Variants in SCN10A observed in about 807,000 individuals in gnomAD.
The protein encoded by SCN10A is sodium channel protein type 10 subunit alpha.
A neutral mutation model predicts 170.7 loss-of-function variants in SCN10A; 162 were observed. That is an observed-to-expected ratio of 0.95 (90% confidence interval 0.84 to 1.08). SCN10A has a LOEUF of 1.08. Ranked by LOEUF, SCN10A falls within the 50% of genes least tolerant of loss-of-function variation. SCN10A has a pLI of 0.00. For synonymous variants in SCN10A, 985 were observed against 904.6 expected (o/e 1.09, Z -1.59); for missense variants, 2,527 against 2,436.9 (o/e 1.04, Z -0.78).
intron 8 of SCN10A, among the ~76,000 whole-genome samples, chr3:38,758,300 A>G (rs1379427117): frequency 6.6e-6 from 1 of 152,172 alleles, no homozygotes; most frequent in Non-Finnish European, 1.5e-5. Flanking sequence ...GGGCTAGGCA[A>G]CCCATTTCCT....
rs753631651 is a variant in SCN10A, at chr3:38,750,129, G to C, written c.1811C>G (p.Pro604Arg). The C allele has an allele frequency of 1.2e-6, 2 of 1,613,270 alleles. No individual in the cohort carries two copies. Among genetic ancestry groups the C allele is most frequent in the Non-Finnish European group, 1.7e-6 (2 of 1,179,552 alleles). ...ACTCATTGCCCTTTGGGCCCGGAAA[G>C]GTTCATCTAAGTATTCTGCTGACAA... ...TFLSAEYLDEPFRAQRAMSVV... is the reference protein window; with the variant it reads ...TFLSAEYLDERFRAQRAMSVV... Residue 604 changes from proline to arginine, a missense_variant, in exon 13 of 28, where the codon CCT (proline) becomes CGT (arginine). By Grantham distance (103) the Pro-to-Arg change is moderately radical (BLOSUM62 -2). Transcript: ENST00000449082.
intron 4 of SCN10A, among the ~76,000 whole-genome samples, chr3:38,775,260 G>T (rs2064058841): frequency 1.3e-5 from 2 of 151,908 alleles, no homozygotes; most frequent in Non-Finnish European, 2.9e-5. Context: ...CCCCTCTCTG[G>T]CAACTTCCAT....
chr3:38,734,978 G>A (rs2063545220), intron 15 of SCN10A, among the ~76,000 whole-genome samples: 1 of 152,032 alleles, frequency 6.6e-6, no homozygotes, highest in Non-Finnish European at 1.5e-5. Context: ...AGACCATCCT[G>A]GCTAACACGG....
At position 38,755,937 on chromosome 3, in the gene SCN10A, C is replaced by G; in HGVS notation, c.1312G>C (p.Asp438His). Residue 438 changes from aspartate (D) to histidine (H), a missense_variant, in exon 11 of 28, where the codon GAC becomes CAC. Physicochemically the swap from Asp to His is moderately conservative, Grantham distance 81 (BLOSUM62 -1). Transcript: ENST00000449082. ...EQEVLAALGI[D>H]TTSLHSHNGS... ...TTGTGGGAGTGGAGAGAGGTTGTGT[C>G]AATCCCTAGTGCTGCTAGCACCTGC... is the stretch of plus-strand genomic sequence containing the variant. The G allele has an allele frequency of 3.1e-6, 5 of 1,614,182 alleles. No homozygotes were observed. The highest frequency in any genetic ancestry group is 4.2e-6 in the Non-Finnish European group (5 of 1,180,030).
chr3:38,756,058 C>T, intron 10 of SCN10A, 100 bp from the exon 11 acceptor site: 5 of 1,319,686 alleles, frequency 3.8e-6, no homozygotes, highest in Non-Finnish European at 5.4e-6. Context: ...AGATCTGAAA[C>T]AGAGAAGCTG....
chr3:38,794,218 G>A (rs1201443440), intron 1 of SCN10A, among the ~76,000 whole-genome samples, 176 bp from the exon 2 acceptor site: 2 of 151,994 alleles, frequency 1.3e-5, no homozygotes, highest in African/African-American at 4.8e-5. Context: ...GCATTCAGGG[G>A]AGGCTGTTTA....
intron 15 of SCN10A, among the ~76,000 whole-genome samples, chr3:38,736,080 T>C (rs912999247): frequency 5.3e-5 from 8 of 152,162 alleles, no homozygotes; most frequent in Admixed American, 3.9e-4. Context: ...ATAAGTGAGC[T>C]AAGTGAAGAC....
chr3:38,732,964 A>T (rs2063526275), intron 15 of SCN10A, among the ~76,000 whole-genome samples: 1 of 152,160 alleles, frequency 6.6e-6, no homozygotes. Flanking sequence ...GACTAGTTAA[A>T]TTTTCCAATT....
chr3:38,775,156 C>T (rs1283162900), intron 4 of SCN10A, among the ~76,000 whole-genome samples: 1 of 152,150 alleles, frequency 6.6e-6, no homozygotes, highest in African/African-American at 2.4e-5. Context: ...GCATTAAGTA[C>T]ATTCAGTATT....
At chr3:38,798,980 T>C (rs2064356271) in intron 1 of SCN10A, among the ~76,000 whole-genome samples, 1 of 151,674 alleles carries the variant, frequency 6.6e-6, no homozygotes, top group African/African-American at 2.4e-5. Context: ...ATGGGGTTTT[T>C]CCATGTTCCC....
intron 26 of SCN10A, among the ~76,000 whole-genome samples, chr3:38,706,279 A>G (rs2063210546): frequency 6.6e-6 from 1 of 152,246 alleles, no homozygotes; most frequent in Non-Finnish European, 1.5e-5. Flanking sequence ...AGCTTGGCTA[A>G]CAGAATGCAT....
In SCN10A at chr3:38,728,846, A is replaced by G; in HGVS notation, c.2336T>C (p.Ile779Thr). The change falls in exon 16 of 28, where the codon ATC becomes ACC. Residue 779 changes from isoleucine to threonine, a missense_variant. Coordinates refer to ENST00000449082, the MANE Select transcript of SCN10A (RefSeq NM_006514.4). Reference sequence around the variant, plus strand: ...CAGTGCCCCCACTGAGTTTCCGATGATCTTGATGAGTGTGTTTAAGGTGGG... The same window carrying G: ...CAGTGCCCCCACTGAGTTTCCGATGGTCTTGATGAGTGTGTTTAAGGTGGG... The part of the protein sequence containing the change: ...SWPTLNTLIK[I>T]IGNSVGALGN... 1 of 1,614,142 alleles carries G rather than the reference A, an allele frequency of 6.2e-7. No individual in the cohort carries two copies. Among genetic ancestry groups the G allele is most frequent in the Non-Finnish European group, 8.5e-7 (1 of 1,180,028 alleles).
chr3:38,707,765 G>A (rs2063226544), intron 25 of SCN10A, among the ~76,000 whole-genome samples: 1 of 152,172 alleles, frequency 6.6e-6, no homozygotes, highest in African/African-American at 2.4e-5. Context: ...TCCCTCCCAG[G>A]GGGCAAGAGA....
At position 38,728,832 on chromosome 3, in the gene SCN10A, C is replaced by T. The variant is rs1222966349; in HGVS notation, c.2350G>A (p.Val784Met). 1.2e-6 allele frequency: 2 copies of T among 1,614,220 alleles called. No individual in the cohort carries two copies. The highest frequency in any genetic ancestry group is 1.7e-5 in the Admixed American group (1 of 60,026). The change falls in exon 16 of 28, where the codon GTG becomes ATG. Residue 784 changes from valine (V) to methionine (M), a missense_variant. Transcript: ENST00000449082. ...NTLIKIIGNS[V>M]GALGNLTIIL... ...ATGGTGAGGTTCCCCAGTGCCCCCA[C>T]TGAGTTTCCGATGATCTTGATGAGT...
At chr3:38,799,278 C>G (rs963574872) in intron 1 of SCN10A, among the ~76,000 whole-genome samples, 1 of 152,096 alleles carries the variant, frequency 6.6e-6, no homozygotes, top group African/African-American at 2.4e-5. Context: ...TACAGAAATT[C>G]CTCTCACAGG....
chr3:38,763,635 G>A (rs1419484824), intron 5 of SCN10A, 39 bp from the exon 6 acceptor site: 2 of 1,478,452 alleles, frequency 1.4e-6, no homozygotes, highest in African/African-American at 2.8e-5. Flanking sequence ...CTGCAAGCAA[G>A]GGTCCTGGGG....
chr3:38,703,385 A>G (rs1261712032), intron 26 of SCN10A, among the ~76,000 whole-genome samples: 4 of 152,250 alleles, frequency 2.6e-5, no homozygotes, highest in African/African-American at 9.6e-5. Flanking sequence ...TCAGAAACTT[A>G]CATCTCCCTC....
Position 38,752,420 on chromosome 3 carries a change from C to A in SCN10A, c.1554G>T (p.Glu518Asp). Reference protein sequence around the residue: ...RSPGRDISLPEGVTDDGVFPG... With the variant: ...RSPGRDISLPDGVTDDGVFPG... Reference sequence around the variant, plus strand: ...GAAAGACTCCATCATCTGTGACTCCCTCAGGGAGTGAGATATCTCGGCCAG... The same window carrying A: ...GAAAGACTCCATCATCTGTGACTCCATCAGGGAGTGAGATATCTCGGCCAG... The change falls in exon 12 of 28, where the codon GAG (glutamate) becomes GAT (aspartate). Residue 518 changes from glutamate (E) to aspartate (D), a missense_variant. Physicochemically the swap from Glu to Asp is conservative, Grantham distance 45 (BLOSUM62 2). Transcript: ENST00000449082. 6.2e-7 allele frequency: 1 copy of A among 1,613,620 alleles called. No homozygotes were observed. The highest frequency in any genetic ancestry group is 8.5e-7 in the Non-Finnish European group (1 of 1,179,806).
intron 15 of SCN10A, among the ~76,000 whole-genome samples, chr3:38,733,711 A>AATTT (rs1230206252): frequency 2.0e-4 from 31 of 151,698 alleles, no homozygotes; most frequent in African/African-American, 6.3e-4. Context: ...TTAAATTTAA[A>AATTT]ATTTATTTAT....
Sources: allele counts gnomAD v4.1 joint callset (sites outside exome capture counted in the v4.1 genomes callset), GRCh38; gene constraint gnomAD v4.1.1; transcripts MANE v1.5; gene names NCBI Gene and HGNC (gene_info 2026-07-23, HGNC 2026-07-21).